The following PHACTR2 variants were observed in gnomAD, a reference collection of about 807,000 sequenced individuals.
PHACTR2 encodes the protein chromosome 6 open reading frame 56.
A neutral mutation model predicts 76.0 loss-of-function variants in PHACTR2; 30 were observed. The ratio of observed to expected loss-of-function variants is 0.39; its 90% CI spans 0.30 to 0.54. The LOEUF is 0.54. Among genes scored for constraint, PHACTR2 ranks in the 20% least tolerant of loss-of-function variants. The probability of loss-of-function intolerance (pLI) is 0.61; values close to 1 mark genes in which losing one functional copy is unlikely to be tolerated. For missense variants in PHACTR2, 696 were observed against 781.1 expected, an observed-to-expected ratio of 0.89 and a Z score of 1.30; for synonymous variants, 292 against 292.5, an observed-to-expected ratio of 1.00 and a Z score of 0.02.
rs1028323243 is a variant in PHACTR2, at chr6:143,658,283, A to G, written c.13+49961A>G. Among the ~76,000 whole-genome samples, 3 of 152,242 alleles carry G rather than the reference A, an allele frequency of 2.0e-5. No individual in the cohort carries two copies. The highest frequency in any genetic ancestry group is 7.2e-5 in the African/African-American group (3 of 41,470). The stretch of plus-strand genomic sequence containing the variant: ...GGTACAAATATAGAAATACACCTTC[A>G]AATTAACAAGGGAAATTCAGGTGAA... On this transcript the variant is annotated intron_variant, in intron 1 of 11. Transcript: ENST00000305766. This position sits in a 1 kb window ranked among gnomAD's most constrained non-coding sequence, Gnocchi z 4.1.
intron 1 of PHACTR2, among the ~76,000 whole-genome samples, chr6:143,650,096 A>C (rs1776732704): frequency 6.6e-6 from 1 of 152,140 alleles, no homozygotes. Flanking sequence ...CACAATGGCC[A>C]CAAAAAAATA....
At position 143,553,942 on chromosome 6, in the gene PHACTR2, A is replaced by G. The variant is rs1775130462; in HGVS notation, c.217+16735A>G. On this transcript the variant is annotated intron_variant, in intron 1 of 11. Transcript: ENST00000367584. The surrounding 1 kb of genome is among the most constrained non-coding windows in gnomAD (Gnocchi z 4.2). The stretch of plus-strand genomic sequence containing the variant: ...GTTAAGGGGTGATCCTTCCAGGCAG[A>G]GAGAAGAGCAAGGGCAAAGGCCCCA... 6.6e-6 allele frequency among the ~76,000 whole-genome samples: 1 copy of G among 152,116 alleles called. No individual in the cohort carries two copies. Among genetic ancestry groups the G allele is most frequent in the African/African-American group, 2.4e-5 (1 of 41,426 alleles).
intron 12 of PHACTR2, among the ~76,000 whole-genome samples, chr6:143,812,839 A>G (rs921753880): frequency 2.0e-5 from 3 of 152,228 alleles, no homozygotes; most frequent in Non-Finnish European, 4.4e-5. Flanking sequence ...GGAGACCAAC[A>G]TGGCAAACAA....
At chr6:143,732,589 A>G (rs1191244451) in intron 2 of PHACTR2, among the ~76,000 whole-genome samples, 3 of 152,174 alleles carry the variant, frequency 2.0e-5, no homozygotes, top group East Asian at 1.9e-4. Flanking sequence ...GCATTTGTAT[A>G]TAAGTTTTTG....
chr6:143,537,551 G>A lies in PHACTR2; in HGVS notation c.217+344G>A, dbSNP rs1280814908. 1.3e-5 allele frequency among the ~76,000 whole-genome samples: 2 copies of A among 152,336 alleles called. No homozygotes were observed. Among genetic ancestry groups the A allele is most frequent in the East Asian group, 3.9e-4 (2 of 5,166 alleles). On this transcript the variant is annotated intron_variant, in intron 1 of 11. Coordinates refer to the PHACTR2 transcript ENST00000367584. This position sits in a 1 kb window ranked among gnomAD's most constrained non-coding sequence, Gnocchi z 4.4. ...TTCCGAGGCTTTTCCATCAGAAAGAGGAACATTCTCGGTCTTCGGCGCGAC... is the reference window on the plus strand; with the variant it reads ...TTCCGAGGCTTTTCCATCAGAAAGAAGAACATTCTCGGTCTTCGGCGCGAC...
At chr6:143,676,743 T>TAA (rs551563271), upstream of PHACTR2, among the ~76,000 whole-genome samples, 2,765 of 144,594 alleles carry the variant, frequency 0.019, 65 homozygotes, top group African/African-American at 0.065. This position sits in a 1 kb window ranked among gnomAD's most constrained non-coding sequence, Gnocchi z 4.8. Context: ...TCAATTTCAT[T>TAA]AAAAAAAAAA....
At position 143,578,571 on chromosome 6, in the gene PHACTR2, G is replaced by C. The variant is rs1015771162; in HGVS notation, c.217+41364G>C. On this transcript the variant is annotated intron_variant, in intron 1 of 11. Coordinates refer to the PHACTR2 transcript ENST00000367584. This position sits in a 1 kb window ranked among gnomAD's most constrained non-coding sequence, Gnocchi z 4.5. The stretch of plus-strand genomic sequence containing the variant: ...CCTGCCAACAAGAAAAGGAGGAAAA[G>C]GACCTTTTAAAAAAATTTGCTGTTG... 6.6e-6 allele frequency among the ~76,000 whole-genome samples: 1 copy of C among 152,024 alleles called. No homozygotes were observed. The highest frequency in any genetic ancestry group is 2.4e-5 in the African/African-American group (1 of 41,386).
chr6:143,588,053 T>TAAAATAAAATAAAATAAAATAA (rs1775648878), intron 1 of PHACTR2, among the ~76,000 whole-genome samples: 1 of 151,582 alleles, frequency 6.6e-6, no homozygotes, highest in Non-Finnish European at 1.5e-5. Flanking sequence ...TAAAATAAAA[T>TAAAATAAAATAAAATAAAATAA]ACTAGTCTAA....
Position 143,756,467 on chromosome 6 carries a change from G to A in PHACTR2, c.454+2555G>A, listed in dbSNP as rs551700448. On this transcript the variant is annotated intron_variant, in intron 4 of 12. Transcript: ENST00000440869. ...TCCCAGCACTTTGGGAGGCCGAGGC[G>A]GGCGGATCACGAGGTCAGGAGATCG... Among the ~76,000 whole-genome samples the A allele has an allele frequency of 7.4e-3, 1,120 of 152,152 alleles. 9 individuals carry two copies. The highest frequency in any genetic ancestry group is 0.016 in the Admixed American group (246 of 15,286).
In PHACTR2 at chr6:143,623,818, C is replaced by A. The variant is rs576907453; in HGVS notation, c.13+15496C>A. Reference sequence around the variant, plus strand: ...GGTTTTGTTTGTACAGTCATTGTGTCCTGCTTTAAAAGCCAATAAATTATG... The same window carrying A: ...GGTTTTGTTTGTACAGTCATTGTGTACTGCTTTAAAAGCCAATAAATTATG... On this transcript the variant is annotated intron_variant, in intron 1 of 11. Coordinates refer to the PHACTR2 transcript ENST00000305766. This position sits in a 1 kb window ranked among gnomAD's most constrained non-coding sequence, Gnocchi z 5.9. Among the ~76,000 whole-genome samples the A allele has an allele frequency of 2.6e-5, 4 of 152,118 alleles. No individual in the cohort carries two copies. The highest frequency in any genetic ancestry group is 9.6e-5 in the African/African-American group (4 of 41,486).
Position 143,757,016 on chromosome 6 carries a change from T to C in PHACTR2, c.454+3104T>C, listed in dbSNP as rs1779316556. Among the ~76,000 whole-genome samples the C allele has an allele frequency of 6.6e-6, 1 of 152,152 alleles. No homozygotes were observed. ...GAGCTGAGTTCAGGCACCATTGCACTCCAGCCTGGGTGACAGCCAGTCTCA... is the reference window on the plus strand; with the variant it reads ...GAGCTGAGTTCAGGCACCATTGCACCCCAGCCTGGGTGACAGCCAGTCTCA... On this transcript the variant is annotated intron_variant, in intron 4 of 12. Coordinates refer to ENST00000440869, the MANE Select transcript of PHACTR2 (RefSeq NM_001100164.2). This position sits in a 1 kb window ranked among gnomAD's most constrained non-coding sequence, Gnocchi z 4.2.
chr6:143,666,720 G>A (rs975978702), intron 1 of PHACTR2, among the ~76,000 whole-genome samples: 4 of 152,040 alleles, frequency 2.6e-5, no homozygotes, highest in Non-Finnish European at 4.4e-5. Flanking sequence ...CTTTTTGATG[G>A]GATCATTTGT....
At chr6:143,687,376 G>C (rs1452732981) in intron 1 of PHACTR2, among the ~76,000 whole-genome samples, 1 of 152,146 alleles carries the variant, frequency 6.6e-6, no homozygotes, top group Non-Finnish European at 1.5e-5. Context: ...TTTGAATAGA[G>C]GGAAAATTCC....
rs1776118078 is a variant in PHACTR2 at position 143,619,674 on chromosome 6, A to G, written c.13+11352A>G. 1.3e-5 allele frequency among the ~76,000 whole-genome samples: 2 copies of G among 152,148 alleles called. No homozygotes were observed. The highest frequency in any genetic ancestry group is 2.9e-5 in the Non-Finnish European group (2 of 68,034). ...AGACTTGCTTAAAACTGTACACCCA[A>G]CTTGTCTTTAATTTACCACCTGCTG... On this transcript the variant is annotated intron_variant, in intron 1 of 11. Transcript: ENST00000305766. The surrounding 1 kb of genome is among the most constrained non-coding windows in gnomAD (Gnocchi z 4.5).
chr6:143,540,557 G>A (rs750940740), intron 1 of PHACTR2, among the ~76,000 whole-genome samples: 3 of 152,048 alleles, frequency 2.0e-5, no homozygotes, highest in Non-Finnish European at 2.9e-5. Context: ...GATAAATACC[G>A]TGAGGGTACC....
intron 1 of PHACTR2, among the ~76,000 whole-genome samples, chr6:143,690,434 T>G (rs1777618687): frequency 6.6e-6 from 1 of 152,102 alleles, no homozygotes; most frequent in African/African-American, 2.4e-5. Context: ...TCTATTTCCT[T>G]ATTTTGGCAG....
rs909618034 is a variant in PHACTR2 at position 143,822,318 on chromosome 6, A to G, written c.1923-1356A>G. On this transcript the variant is annotated intron_variant, in intron 12 of 12. Transcript: ENST00000440869. This position sits in a 1 kb window ranked among gnomAD's most constrained non-coding sequence, Gnocchi z 5.5. ...GCTGGGATTACAGGTGTATGCTACC[A>G]TGCCCAGCTTAAATTTTATTTTGTA... Among the ~76,000 whole-genome samples the G allele has an allele frequency of 2.0e-5, 3 of 152,078 alleles. No homozygotes were observed. Among genetic ancestry groups the G allele is most frequent in the African/African-American group, 7.2e-5 (3 of 41,410 alleles).
intron 1 of PHACTR2, among the ~76,000 whole-genome samples, chr6:143,576,770 G>T (rs1339310779): frequency 6.6e-6 from 1 of 151,302 alleles, no homozygotes; most frequent in Non-Finnish European, 1.5e-5. Flanking sequence ...CAGCTACTCG[G>T]TAGGTTGAAG....
At chr6:143,732,465 A>G (rs1363310888) in intron 2 of PHACTR2, among the ~76,000 whole-genome samples, 1 of 152,222 alleles carries the variant, frequency 6.6e-6, no homozygotes, top group Non-Finnish European at 1.5e-5. Flanking sequence ...ACATCATTTC[A>G]TTATCAAATA....
Sources: allele counts gnomAD v4.1 joint callset (sites outside exome capture counted in the v4.1 genomes callset), GRCh38; gene constraint gnomAD v4.1.1; non-coding constraint Gnocchi (gnomAD v3.1); transcripts MANE v1.5; gene names NCBI Gene and HGNC (gene_info 2026-07-23, HGNC 2026-07-21).